Variants in PITPNM3 observed in about 807,000 individuals in gnomAD.
PITPNM3 encodes membrane-associated phosphatidylinositol transfer protein 3.
In PITPNM3, 26 loss-of-function variants were observed where a neutral mutation model predicts 102.0. That is an observed-to-expected ratio of 0.25 (90% CI 0.19 to 0.35). PITPNM3 has a LOEUF of 0.35. Ranked by LOEUF, PITPNM3 falls within the 10% of genes least tolerant of loss-of-function variation. The pLI is 1.00. For missense variants in PITPNM3, 1,083 were observed against 1,346.1 expected (o/e 0.80, Z 3.06); for synonymous variants, 578 against 558.6 (o/e 1.03, Z -0.49).
At chr17:6,544,102 C>T (rs1233200346) in intron 1 of PITPNM3, among the ~76,000 whole-genome samples, 2 of 152,256 alleles carry the variant, frequency 1.3e-5, no homozygotes, top group African/African-American at 4.8e-5. Flanking sequence ...CTGGTGGGTG[C>T]ACAGCATTGG....
intron 2 of PITPNM3, among the ~76,000 whole-genome samples, chr17:6,530,449 C>A (rs1209413204): frequency 6.6e-6 from 1 of 152,254 alleles, no homozygotes; most frequent in Non-Finnish European, 1.5e-5. Context: ...CAGAACCCAG[C>A]TCCTCAGGCC....
intron 17 of PITPNM3, among the ~76,000 whole-genome samples, chr17:6,462,892 CATGGGGAGCACCCT>C (rs1567660021): frequency 6.6e-6 from 1 of 152,068 alleles, no homozygotes; most frequent in Non-Finnish European, 1.5e-5. Flanking sequence ...TGTGGAGCAC[CATGGGGAGCACCCT>C]GGAGCCCATG....
chr17:6,491,301 G>A (rs907068550), intron 4 of PITPNM3, among the ~76,000 whole-genome samples: 3 of 152,156 alleles, frequency 2.0e-5, no homozygotes, highest in Non-Finnish European at 4.4e-5. Flanking sequence ...ACTATCTAAG[G>A]AACCCATAGC....
intron 1 of PITPNM3, among the ~76,000 whole-genome samples, chr17:6,552,992 G>A (rs954794362): frequency 3.3e-5 from 5 of 151,174 alleles, no homozygotes; most frequent in Non-Finnish European, 4.4e-5. Context: ...GGATGGTCTC[G>A]ATCTCCTGAC....
intron 1 of PITPNM3, among the ~76,000 whole-genome samples, chr17:6,540,503 T>G (rs1231755889): frequency 6.6e-6 from 1 of 152,236 alleles, no homozygotes; most frequent in Non-Finnish European, 1.5e-5. Context: ...AAAAGAACTT[T>G]GTCACCTATT....
rs368695122 is a variant in PITPNM3, at chr17:6,469,302, C to T, written c.1773+958G>A. On this transcript the variant is annotated intron_variant, in intron 13 of 19. Transcript: ENST00000262483. The surrounding 1 kb of genome is among the most constrained non-coding windows in gnomAD (Gnocchi z 4.0). ...CAACTAAGAGGCAGCTCACACTTCA[C>T]ACACCCAGACAGTCGTGGATGTGCC... 7.9e-5 allele frequency among the ~76,000 whole-genome samples: 12 copies of T among 152,308 alleles called. No individual in the cohort carries two copies. The highest frequency in any genetic ancestry group is 2.9e-4 in the African/African-American group (12 of 41,554).
intron 3 of PITPNM3, among the ~76,000 whole-genome samples, chr17:6,510,893 G>A (rs1344341957): frequency 6.6e-6 from 1 of 152,238 alleles, no homozygotes; most frequent in Admixed American, 6.5e-5. Context: ...GGCAAAGGCA[G>A]GAAGCTGACG....
intron 3 of PITPNM3, among the ~76,000 whole-genome samples, chr17:6,507,220 C>T (rs942148889): frequency 2.0e-5 from 3 of 152,306 alleles, no homozygotes; most frequent in Non-Finnish European, 4.4e-5. Context: ...CGGCAGGAGG[C>T]AGGACCATGT....
Position 6,458,892 on chromosome 17 carries a change from G to T in PITPNM3, c.2491-1170C>A. 6.6e-6 allele frequency among the ~76,000 whole-genome samples: 1 copy of T among 151,748 alleles called. No individual in the cohort carries two copies. The highest frequency in any genetic ancestry group is 1.5e-5 in the Non-Finnish European group (1 of 67,966). ...AGAGCTGCTAAAGAAACAGAGCCAC[G>T]CAGCTCTCACCTTCCATCTTCTTCC... On this transcript the variant is annotated intron_variant, in intron 18 of 19. Coordinates refer to ENST00000262483, the MANE Select transcript of PITPNM3 (RefSeq NM_031220.4). This position sits in a 1 kb window ranked among gnomAD's most constrained non-coding sequence, Gnocchi z 5.1.
chr17:6,501,218 G>A (rs1341598555), intron 4 of PITPNM3, among the ~76,000 whole-genome samples: 1 of 152,162 alleles, frequency 6.6e-6, no homozygotes, highest in East Asian at 1.9e-4. Context: ...AAGGGGAGAT[G>A]ATTGGTTCTT....
Position 6,537,967 on chromosome 17 carries a change from T to C in PITPNM3, c.118+20A>G, listed in dbSNP as rs766136546. 6.3e-7 allele frequency: 1 copy of C among 1,593,162 alleles called. No homozygotes were observed. Among genetic ancestry groups the C allele is most frequent in the Admixed American group, 1.7e-5 (1 of 59,902 alleles). ...TAGGAAGGTCACCCAGCCAGTGATATGAGACTGGGGTTCACTCACCTCTGG... is the reference window on the plus strand; with the variant it reads ...TAGGAAGGTCACCCAGCCAGTGATACGAGACTGGGGTTCACTCACCTCTGG... On this transcript the variant is annotated intron_variant, in intron 2 of 19. Transcript: ENST00000262483. The surrounding 1 kb of genome is among the most constrained non-coding windows in gnomAD (Gnocchi z 4.4).
intron 3 of PITPNM3, among the ~76,000 whole-genome samples, chr17:6,510,481 G>C (rs2150620519): frequency 6.6e-6 from 1 of 152,278 alleles, no homozygotes; most frequent in African/African-American, 2.4e-5. Flanking sequence ...TCCCCATCTT[G>C]TTAGAGCAAT....
At chr17:6,462,379 C>T (rs1226371295) in intron 17 of PITPNM3, among the ~76,000 whole-genome samples, 1 of 152,180 alleles carries the variant, frequency 6.6e-6, no homozygotes, top group African/African-American at 2.4e-5. Flanking sequence ...CTCTGCTCTG[C>T]CTTTGCATAT....
At chr17:6,488,869 G>C (rs1906255176) in intron 4 of PITPNM3, among the ~76,000 whole-genome samples, 1 of 152,176 alleles carries the variant, frequency 6.6e-6, no homozygotes, top group African/African-American at 2.4e-5. Context: ...CCCTATTCAG[G>C]CTGGGTCCCT....
At position 6,509,605 on chromosome 17, in the gene PITPNM3, C is replaced by CTGAT. The variant is rs532672787; in HGVS notation, c.227-6032_227-6031insATCA. ...ATGAAGCCTGGCTGAGGAGCGAAGA[C>CTGAT]CTGCATGCTCCCTCCCTGCTCAGGC... is the stretch of plus-strand genomic sequence containing the variant. On this transcript the variant is annotated intron_variant, in intron 3 of 19. Coordinates refer to ENST00000262483, the MANE Select transcript of PITPNM3 (RefSeq NM_031220.4). Among the ~76,000 whole-genome samples the CTGAT allele has an allele frequency of 2.4e-3, 361 of 151,508 alleles. 1 individual carries two copies. In the Middle Eastern group the frequency reaches 0.024, roughly 10 times the overall value.
chr17:6,500,116 C>T lies in PITPNM3; in HGVS notation c.274+3411G>A, dbSNP rs147061749. ...TGTCCAAAATGTCACAGCTACTAGA[C>T]GAGAGAAGCTGAGTGTCAAACCCAG... On this transcript the variant is annotated intron_variant, in intron 4 of 19. Transcript: ENST00000262483. Among the ~76,000 whole-genome samples the T allele has an allele frequency of 7.2e-3, 1,100 of 152,268 alleles. 10 individuals carry two copies. The highest frequency in any genetic ancestry group is 0.033 in the South Asian group (158 of 4,814).
chr17:6,479,201 G>A, intron 6 of PITPNM3: 1 of 173,820 alleles, frequency 5.8e-6, no homozygotes. Flanking sequence ...CAGGCTTGGG[G>A]TTCACATGTT....
At chr17:6,519,837 A>G (rs994464430) in intron 3 of PITPNM3, among the ~76,000 whole-genome samples, 6 of 152,304 alleles carry the variant, frequency 3.9e-5, no homozygotes, top group Admixed American at 6.5e-5. Context: ...CTCCAAAAAA[A>G]AAAGAAAGAA....
At position 6,478,805 on chromosome 17, in the gene PITPNM3, C is replaced by G. The variant is rs1044021724; in HGVS notation, c.588-69G>C. 1 of 1,458,248 alleles carries G rather than the reference C, an allele frequency of 6.9e-7. No homozygotes were observed. Among genetic ancestry groups the G allele is most frequent in the African/African-American group, 1.4e-5 (1 of 71,630 alleles). 90.3% of individuals were successfully genotyped at this position (1,458,248 alleles called of 1,614,324 possible). A position where few individuals can be genotyped will look rare whatever the true frequency, so the allele number is the denominator to read the frequency against. ...GGTTGGCAGGTTTGGGGCTGAGGAT[C>G]AGGCAGAAGAGAGCACATACTGGCC... On this transcript the variant is annotated intron_variant, in intron 6 of 19. Transcript: ENST00000262483. The surrounding 1 kb of genome is among the most constrained non-coding windows in gnomAD (Gnocchi z 4.4).
Sources: gnomAD v4.1 joint callset for allele counts (sites outside exome capture counted in the v4.1 genomes callset) on GRCh38, gnomAD v4.1.1 for gene constraint, Gnocchi (gnomAD v3.1) non-coding constraint, MANE v1.5 for transcripts, NCBI Gene and HGNC (gene_info 2026-07-23, HGNC 2026-07-21) for gene names.